UBR3: variants seen among roughly 807,000 people sequenced by gnomAD.
UBR3 encodes the protein ubiquitin protein ligase E3 component n-recognin 3.
A neutral mutation model predicts 243.2 loss-of-function variants in UBR3; 85 were observed. That is an observed-to-expected ratio of 0.35 (90% CI 0.29 to 0.42). The LOEUF (loss-of-function observed/expected upper bound fraction) is 0.42, where lower values mean the gene tolerates loss of function less well. UBR3 is among the 10% of genes least tolerant of loss of function. The pLI, the probability that UBR3 is intolerant of heterozygous loss-of-function variation, is 1.00. For synonymous variants in UBR3, 748 were observed against 799.8 expected (o/e 0.94, Z 1.09); for missense variants, 1,686 against 2,300.8 (o/e 0.73, Z 5.47).
chr2:169,911,194 T>C (rs2085239842), intron 10 of UBR3, among the ~76,000 whole-genome samples: 1 of 152,126 alleles, frequency 6.6e-6, no homozygotes, highest in Non-Finnish European at 1.5e-5. Context: ...ACATGAAGAT[T>C]GGATAAGAGG....
chr2:170,063,079 T>C (rs2091485547), intron 35 of UBR3, among the ~76,000 whole-genome samples: 1 of 152,086 alleles, frequency 6.6e-6, no homozygotes, highest in African/African-American at 2.4e-5. Context: ...AGACAGATTG[T>C]GAAGAATAGA....
intron 1 of UBR3, among the ~76,000 whole-genome samples, chr2:169,834,724 C>T (rs2082031088): frequency 6.6e-6 from 1 of 152,184 alleles, no homozygotes; most frequent in Non-Finnish European, 1.5e-5. Context: ...TTTGAGTATG[C>T]ATCTCAGTAA....
chr2:169,865,589 T>C (rs1451858902), intron 1 of UBR3, among the ~76,000 whole-genome samples: 1 of 152,202 alleles, frequency 6.6e-6, no homozygotes, highest in Non-Finnish European at 1.5e-5. Flanking sequence ...CAGTTGCTCT[T>C]TGGAATTGGT....
At chr2:169,866,334 G>A (rs2083263410) in intron 1 of UBR3, among the ~76,000 whole-genome samples, 1 of 148,928 alleles carries the variant, frequency 6.7e-6, no homozygotes, top group Admixed American at 6.7e-5. Context: ...TTTAGATATT[G>A]TGTGTCCTAG....
rs368912402 is a variant in UBR3, at chr2:169,844,075, C to T, written c.545+16023C>T. Among the ~76,000 whole-genome samples, 9 of 150,610 alleles carry T rather than the reference C, an allele frequency of 6.0e-5. 1 individual carries two copies. The highest frequency in any genetic ancestry group is 2.0e-4 in the African/African-American group (8 of 40,896). On this transcript the variant is annotated intron_variant, in intron 1 of 38. Coordinates refer to ENST00000272793, the MANE Select transcript of UBR3 (RefSeq NM_172070.4). ...AGGCTGGAGTGCAATGGCGCGACCT[C>T]GGCTCATTGCAACCTCAGCCTCCTG...
At chr2:169,831,215 A>C (rs1456420688) in intron 1 of UBR3, among the ~76,000 whole-genome samples, 1 of 132,396 alleles carries the variant, frequency 7.6e-6, no homozygotes, top group Non-Finnish European at 1.5e-5. Flanking sequence ...ATCTTGGCTC[A>C]CCGCAACCTC....
chr2:169,927,428 T>C, intron 17 of UBR3, 23 bp downstream of exon 17: 1 of 1,486,486 alleles, frequency 6.7e-7, no homozygotes, highest in Non-Finnish European at 9.1e-7. Context: ...AATTTTACTT[T>C]CTGTTAGTTG....
At chr2:169,881,714 ATATG>A (rs1312060104) in intron 5 of UBR3, among the ~76,000 whole-genome samples, 1 of 138,496 alleles carries the variant, frequency 7.2e-6, no homozygotes, top group African/African-American at 2.7e-5. Flanking sequence ...TTATATATGT[ATATG>A]TATATTTATA....
intron 24 of UBR3, among the ~76,000 whole-genome samples, chr2:169,961,078 T>G (rs1019710656): frequency 6.6e-6 from 1 of 152,098 alleles, no homozygotes; most frequent in African/African-American, 2.4e-5. Flanking sequence ...TAAAATTTTA[T>G]TTTTAAAATT....
chr2:169,830,842 A>T (rs1049872072), intron 1 of UBR3, among the ~76,000 whole-genome samples: 1 of 151,952 alleles, frequency 6.6e-6, no homozygotes, highest in Non-Finnish European at 1.5e-5. Flanking sequence ...ACCTGAAGGT[A>T]GGAAATAACA....
intron 10 of UBR3, among the ~76,000 whole-genome samples, chr2:169,907,328 T>C (rs979633654): frequency 1.3e-5 from 2 of 152,174 alleles, no homozygotes; most frequent in African/African-American, 4.8e-5. Context: ...GAATTAACTT[T>C]TAAAAACTAT....
intron 30 of UBR3, among the ~76,000 whole-genome samples, chr2:170,026,679 G>T (rs182193581): frequency 6.6e-6 from 1 of 152,044 alleles, no homozygotes; most frequent in Non-Finnish European, 1.5e-5. Flanking sequence ...TATATATGTG[G>T]ACCAAACTTT....
At chr2:169,851,187 C>A (rs1212666715) in intron 1 of UBR3, among the ~76,000 whole-genome samples, 1 of 152,134 alleles carries the variant, frequency 6.6e-6, no homozygotes, top group Non-Finnish European at 1.5e-5. Context: ...TGCAGTGGCA[C>A]GATCTTGGCT....
At chr2:170,076,944 A>C (rs2091822799) in intron 36 of UBR3, among the ~76,000 whole-genome samples, 1 of 152,324 alleles carries the variant, frequency 6.6e-6, no homozygotes, top group South Asian at 2.1e-4. Context: ...CTTGATAGTC[A>C]TGGTCAATCC....
Position 169,974,169 on chromosome 2 carries a change from G to A in UBR3, c.3635-12476G>A, listed in dbSNP as rs115058312. On this transcript the variant is annotated intron_variant, in intron 24 of 38. Transcript: ENST00000272793. Reference sequence around the variant, plus strand: ...TGTCTTTGTCTGGTTTTTGTATCATGGTAATGCTTGCCTTGTAGAATGAGT... The same window carrying A: ...TGTCTTTGTCTGGTTTTTGTATCATAGTAATGCTTGCCTTGTAGAATGAGT... Among the ~76,000 whole-genome samples the A allele has an allele frequency of 5.9e-3, 894 of 152,184 alleles. 5 individuals are homozygous for A. Among genetic ancestry groups the A allele is most frequent in the East Asian group, 0.018 (91 of 5,178 alleles).
At chr2:169,986,069 A>G (rs1245198182) in intron 24 of UBR3, among the ~76,000 whole-genome samples, 1 of 152,192 alleles carries the variant, frequency 6.6e-6, no homozygotes, top group Non-Finnish European at 1.5e-5. Context: ...GATTACTGCT[A>G]TTTTTGATGA....
chr2:169,997,332 C>G (rs1246652686), intron 26 of UBR3, among the ~76,000 whole-genome samples: 2 of 152,134 alleles, frequency 1.3e-5, no homozygotes, highest in Non-Finnish European at 2.9e-5. Context: ...CCAAGCTCTT[C>G]CTGTGGTGGG....
chr2:170,054,888 C>T (rs17634754), intron 32 of UBR3, among the ~76,000 whole-genome samples: 16,096 of 152,218 alleles, frequency 0.11, 1,131 homozygotes, highest in Admixed American at 0.18. Flanking sequence ...CATTAGCACT[C>T]TGGTCTTCTG....
At chr2:170,037,516 T>C (rs2090864137) in intron 31 of UBR3, among the ~76,000 whole-genome samples, 1 of 152,068 alleles carries the variant, frequency 6.6e-6, no homozygotes, top group East Asian at 1.9e-4. Context: ...GCCTCCCAAA[T>C]AGCTGGGACC....
Sources: gnomAD v4.1 joint callset for allele counts (sites outside exome capture counted in the v4.1 genomes callset) on GRCh38, gnomAD v4.1.1 for gene constraint, MANE v1.5 for transcripts, NCBI Gene and HGNC (gene_info 2026-07-23, HGNC 2026-07-21) for gene names.